PTPRD: variants seen among roughly 807,000 people sequenced by gnomAD.
PTPRD encodes protein tyrosine phosphatase receptor type D.
Under a neutral mutation model 214.5 loss-of-function variants are expected in PTPRD, and 34 were observed. The ratio of observed to expected loss-of-function variants is 0.16; its 90% CI spans 0.12 to 0.21. The LOEUF (loss-of-function observed/expected upper bound fraction) is 0.21. PTPRD is among the 10% of genes least tolerant of loss of function. PTPRD has a pLI of 1.00. For synonymous variants in PTPRD, 1,128 were observed against 845.7 expected (o/e 1.33, Z -5.79); for missense variants, 2,545 against 2,398.7 (o/e 1.06, Z -1.27).
At chr9:8,983,211 GAATGAAATCAACCTTCTTTATA>G (rs1363237190) in intron 11 of PTPRD, among the ~76,000 whole-genome samples, 1 of 151,908 alleles carries the variant, frequency 6.6e-6, no homozygotes, top group African/African-American at 2.4e-5. Context: ...ACCTGGATGT[GAATGAAATCAACCTTCTTTATA>G]TCATGAAAAT....
intron 7 of PTPRD, among the ~76,000 whole-genome samples, chr9:9,595,216 T>C (rs1336362440): frequency 6.7e-6 from 1 of 150,060 alleles, no homozygotes; most frequent in Non-Finnish European, 1.5e-5. Context: ...TACCATTTGA[T>C]CCAGCAATCC....
In PTPRD at chr9:8,420,491, G is replaced by C. The variant is rs183214233; in HGVS notation, c.4087-15831C>G. Among the ~76,000 whole-genome samples the C allele has an allele frequency of 2.6e-3, 391 of 152,262 alleles. 1 individual carries two copies. Among genetic ancestry groups the C allele is most frequent in the African/African-American group, 8.8e-3 (367 of 41,564 alleles). ...AGCAGCTTTGTTTCAAAGTTCATCT[G>C]TTTATTCTCCAGCGAAAATTATAAT... On this transcript the variant is annotated intron_variant, in intron 35 of 45. Coordinates refer to ENST00000381196, the MANE Select transcript of PTPRD (RefSeq NM_002839.4).
chr9:10,470,267 TA>T (rs565186130), intron 2 of PTPRD, among the ~76,000 whole-genome samples: 59 of 151,706 alleles, frequency 3.9e-4, no homozygotes, highest in Admixed American at 7.2e-4. Context: ...ATAAAAAAAT[TA>T]AAAACAAAAA....
At chr9:8,968,728 C>T (rs894104693) in intron 11 of PTPRD, among the ~76,000 whole-genome samples, 2 of 151,864 alleles carry the variant, frequency 1.3e-5, no homozygotes, top group African/African-American at 4.8e-5. Flanking sequence ...TTTCAGTATC[C>T]CTTGTCTTAA....
chr9:10,015,133 A>C (rs1402118447), intron 4 of PTPRD, among the ~76,000 whole-genome samples: 1 of 152,112 alleles, frequency 6.6e-6, no homozygotes, highest in African/African-American at 2.4e-5. Flanking sequence ...TATGGCTTTC[A>C]GTTTCAATTG....
chr9:9,415,860 A>T (rs1242169307), intron 8 of PTPRD, among the ~76,000 whole-genome samples: 2 of 152,218 alleles, frequency 1.3e-5, no homozygotes, highest in Non-Finnish European at 2.9e-5. Context: ...TGTCCCGGTT[A>T]GTCGGGTAGG....
At chr9:10,542,864 A>G (rs2059422338) in intron 2 of PTPRD, among the ~76,000 whole-genome samples, 1 of 152,030 alleles carries the variant, frequency 6.6e-6, no homozygotes, top group Non-Finnish European at 1.5e-5. Flanking sequence ...GATTACAGAC[A>G]TGCACTACCA....
intron 2 of PTPRD, among the ~76,000 whole-genome samples, chr9:10,533,671 T>A (rs1309923115): frequency 6.6e-6 from 1 of 151,974 alleles, no homozygotes; most frequent in Non-Finnish European, 1.5e-5. Context: ...AACTAACACC[T>A]CCATCTGCAT....
At chr9:10,353,516 C>G (rs1256418203) in intron 2 of PTPRD, among the ~76,000 whole-genome samples, 1 of 151,834 alleles carries the variant, frequency 6.6e-6, no homozygotes, top group Non-Finnish European at 1.5e-5. Flanking sequence ...ACCACTCCTG[C>G]CAACCTCTGC....
intron 36 of PTPRD, among the ~76,000 whole-genome samples, chr9:8,394,443 T>C (rs2090520921): frequency 6.6e-6 from 1 of 152,168 alleles, no homozygotes; most frequent in Non-Finnish European, 1.5e-5. Context: ...GTGTGCATTT[T>C]AAAGTCTTGG....
intron 11 of PTPRD, among the ~76,000 whole-genome samples, chr9:8,817,778 T>G (rs1269005061): frequency 6.6e-6 from 1 of 152,258 alleles, no homozygotes; most frequent in Admixed American, 6.5e-5. Flanking sequence ...ACAACCATCT[T>G]AAATTTCAAG....
intron 11 of PTPRD, among the ~76,000 whole-genome samples, chr9:8,890,958 G>A (rs1007802945): frequency 6.6e-6 from 1 of 152,074 alleles, no homozygotes; most frequent in African/African-American, 2.4e-5. Flanking sequence ...TGCCTTTTAG[G>A]ATTACTGATG....
chr9:10,236,418 A>G (rs1280878077), intron 3 of PTPRD, among the ~76,000 whole-genome samples: 1 of 151,944 alleles, frequency 6.6e-6, no homozygotes, highest in Non-Finnish European at 1.5e-5. Context: ...AATGCTTGGA[A>G]GATAATCATT....
chr9:8,833,206 G>C (rs930101228), intron 11 of PTPRD, among the ~76,000 whole-genome samples: 3 of 152,070 alleles, frequency 2.0e-5, no homozygotes, highest in African/African-American at 7.2e-5. Context: ...TGTATAGGAA[G>C]ACCTTGCTAA....
chr9:9,264,542 T>C (rs1938172726), intron 9 of PTPRD, among the ~76,000 whole-genome samples: 1 of 151,484 alleles, frequency 6.6e-6, no homozygotes, highest in African/African-American at 2.4e-5. Context: ...TATGGGACAC[T>C]ATCAAGACAG....
chr9:8,449,149 G>A (rs1255676969), intron 34 of PTPRD, among the ~76,000 whole-genome samples: 2 of 152,174 alleles, frequency 1.3e-5, no homozygotes, highest in East Asian at 1.9e-4. Context: ...TATATTTTTT[G>A]TTATCCTCAG....
intron 12 of PTPRD, among the ~76,000 whole-genome samples, chr9:8,680,245 G>T (rs1343627376): frequency 1.3e-5 from 2 of 152,010 alleles, no homozygotes; most frequent in Non-Finnish European, 2.9e-5. Context: ...GCTAACACTG[G>T]AAAACCAATG....
intron 11 of PTPRD, among the ~76,000 whole-genome samples, chr9:8,962,384 T>C (rs2154319767): frequency 6.6e-6 from 1 of 152,204 alleles, no homozygotes; most frequent in East Asian, 1.9e-4. Context: ...GACTTTCCTA[T>C]GAAAACATGC....
intron 11 of PTPRD, among the ~76,000 whole-genome samples, chr9:8,826,044 A>G (rs1255274319): frequency 6.6e-6 from 1 of 152,088 alleles, no homozygotes. Context: ...TCTTAGCCTC[A>G]TTTTACCCAG....
Sources: allele counts gnomAD v4.1 joint callset (sites outside exome capture counted in the v4.1 genomes callset), GRCh38; gene constraint gnomAD v4.1.1; transcripts MANE v1.5; gene names NCBI Gene and HGNC (gene_info 2026-07-23, HGNC 2026-07-21).